Variants in PTPRM observed in about 807,000 individuals in gnomAD.
PTPRM encodes receptor-type tyrosine-protein phosphatase mu.
In PTPRM, 47 loss-of-function variants were observed where a neutral mutation model predicts 186.7. The observed-to-expected ratio is 0.25, with a 90% CI of 0.20 to 0.32. The LOEUF is 0.32. PTPRM is among the 10% of genes least tolerant of loss of function. The pLI is 1.00. For synonymous variants in PTPRM, 668 were observed against 674.9 expected, an observed-to-expected ratio of 0.99 and a Z score of 0.16; for missense variants, 1,494 against 1,865.0, an observed-to-expected ratio of 0.80 and a Z score of 3.66.
chr18:7,947,194 G>A (rs1278394899), intron 5 of PTPRM, among the ~76,000 whole-genome samples: 1 of 152,200 alleles, frequency 6.6e-6, no homozygotes, highest in Admixed American at 6.5e-5. Context: ...TCACTCAGGT[G>A]TTCCGGCGCT....
chr18:8,242,432 T>A (rs1306704787), intron 14 of PTPRM, among the ~76,000 whole-genome samples: 1 of 152,122 alleles, frequency 6.6e-6, no homozygotes, highest in African/African-American at 2.4e-5. Context: ...GTCCAGAACA[T>A]GTGTTGAGAA....
At chr18:7,918,894 G>C (rs1238439623) in intron 4 of PTPRM, among the ~76,000 whole-genome samples, 7 of 152,122 alleles carry the variant, frequency 4.6e-5, no homozygotes, top group Non-Finnish European at 8.8e-5. Flanking sequence ...TGTTTCACCA[G>C]TGTTTTCTTT....
chr18:8,225,131 T>C (rs2094198565), intron 14 of PTPRM, among the ~76,000 whole-genome samples: 1 of 152,330 alleles, frequency 6.6e-6, no homozygotes, highest in Non-Finnish European at 1.5e-5. Context: ...ATTTATTAAG[T>C]GTCATTCTCT....
chr18:8,149,929 A>G (rs1251316294), intron 14 of PTPRM, among the ~76,000 whole-genome samples: 1 of 152,182 alleles, frequency 6.6e-6, no homozygotes, highest in East Asian at 1.9e-4. Flanking sequence ...GGGATGTGAA[A>G]TTCCGGGTTG....
At chr18:7,864,265 T>C in intron 2 of PTPRM, among the ~76,000 whole-genome samples, 1 of 152,242 alleles carries the variant, frequency 6.6e-6, no homozygotes, top group Non-Finnish European at 1.5e-5. Flanking sequence ...TCATGAAGTC[T>C]TTGCCCATGC....
chr18:7,832,244 C>T (rs1331843546), intron 2 of PTPRM, among the ~76,000 whole-genome samples: 1 of 152,236 alleles, frequency 6.6e-6, no homozygotes, highest in Non-Finnish European at 1.5e-5. Flanking sequence ...TTTCCACCAA[C>T]TGTATATGAA....
intron 21 of PTPRM, among the ~76,000 whole-genome samples, chr18:8,315,953 T>C (rs996279506): frequency 6.6e-6 from 1 of 152,156 alleles, no homozygotes; most frequent in African/African-American, 2.4e-5. Flanking sequence ...CTCTCCAGGT[T>C]CCATTTATTT....
At chr18:7,899,506 C>G (rs2146478462) in intron 3 of PTPRM, among the ~76,000 whole-genome samples, 1 of 152,274 alleles carries the variant, frequency 6.6e-6, no homozygotes, top group East Asian at 1.9e-4. Context: ...AAAATTATTT[C>G]ATAATAAGAT....
chr18:8,017,096 A>G (rs890720273), intron 7 of PTPRM, among the ~76,000 whole-genome samples: 1 of 152,190 alleles, frequency 6.6e-6, no homozygotes, highest in African/African-American at 2.4e-5. Flanking sequence ...AATTCCTGAC[A>G]GTATTTATTT....
intron 3 of PTPRM, among the ~76,000 whole-genome samples, chr18:7,890,416 A>C (rs2049011897): frequency 6.6e-6 from 1 of 152,090 alleles, no homozygotes; most frequent in South Asian, 2.1e-4. Context: ...CTCTCCCTGG[A>C]CTGATGAATA....
intron 5 of PTPRM, among the ~76,000 whole-genome samples, chr18:7,932,670 A>T (rs1477734430): frequency 6.6e-6 from 1 of 152,072 alleles, no homozygotes; most frequent in Non-Finnish European, 1.5e-5. Context: ...ATTTACTGTG[A>T]TTTACCTGTG....
intron 7 of PTPRM, among the ~76,000 whole-genome samples, chr18:8,063,254 G>C (rs9956984): frequency 0.03 from 4,453 of 149,782 alleles, 162 homozygotes; most frequent in African/African-American, 0.082. Flanking sequence ...CTTTGACTCG[G>C]AAAGGGAACT....
intron 9 of PTPRM, among the ~76,000 whole-genome samples, chr18:8,077,860 T>C (rs478396): frequency 0.63 from 95,116 of 151,990 alleles, 29,932 homozygotes; most frequent in African/African-American, 0.67. Context: ...TTTTTAATCC[T>C]ACAAGAGATA....
chr18:7,721,227 G>A (rs1352600427), intron 1 of PTPRM, among the ~76,000 whole-genome samples: 2 of 150,542 alleles, frequency 1.3e-5, no homozygotes, highest in Non-Finnish European at 3.0e-5. Context: ...AATGATTAAT[G>A]ATGTTTGGCA....
chr18:8,178,962 G>A (rs1037657908), intron 14 of PTPRM, among the ~76,000 whole-genome samples: 17 of 152,074 alleles, frequency 1.1e-4, no homozygotes, highest in Admixed American at 7.9e-4. Context: ...ATAACTTGGT[G>A]CTCCTAGGCC....
At chr18:7,768,741 G>C (rs940613635) in intron 1 of PTPRM, among the ~76,000 whole-genome samples, 4 of 151,630 alleles carry the variant, frequency 2.6e-5, no homozygotes, top group African/African-American at 7.3e-5. Flanking sequence ...CCACCTCCCA[G>C]GTGCAAGTGA....
intron 5 of PTPRM, chr18:7,946,989 A>G (rs2052571180): frequency 4.4e-6 from 2 of 456,144 alleles, no homozygotes; most frequent in Non-Finnish European, 4.4e-6. Flanking sequence ...TGAGTTTTAC[A>G]GCAGCACTGA....
intron 23 of PTPRM, among the ~76,000 whole-genome samples, chr18:8,347,120 C>T (rs1421866613): frequency 2.0e-5 from 3 of 152,214 alleles, no homozygotes; most frequent in African/African-American, 4.8e-5. Context: ...AGCCCACTCT[C>T]GGGTGCCTTC....
At chr18:8,356,230 G>T (rs12959129) in intron 23 of PTPRM, among the ~76,000 whole-genome samples, 1 of 149,936 alleles carries the variant, frequency 6.7e-6, no homozygotes, top group Non-Finnish European at 1.5e-5. Flanking sequence ...GCAGGGAAAA[G>T]AGAGGAGTGC....
Sources: gnomAD v4.1 joint callset for allele counts (sites outside exome capture counted in the v4.1 genomes callset) on GRCh38, gnomAD v4.1.1 for gene constraint, MANE v1.5 for transcripts, NCBI Gene and HGNC (gene_info 2026-07-23, HGNC 2026-07-21) for gene names.